The following EML5 variants were observed in gnomAD, a reference collection of about 807,000 sequenced individuals.
EML5 encodes echinoderm microtubule-associated protein-like 5.
EML5 carries 120 observed loss-of-function variants against 250.0 expected under a neutral mutation model. The ratio of observed to expected loss-of-function variants is 0.48; its 90% CI spans 0.41 to 0.56. The LOEUF is 0.56. Among genes scored for constraint, EML5 ranks in the 20% least tolerant of loss-of-function variants. The pLI is 0.00. For synonymous variants in EML5, 771 were observed against 806.5 expected (o/e 0.96, Z 0.75); for missense variants, 2,006 against 2,437.6 (o/e 0.82, Z 3.73).
chr14:88,782,489 G>A (rs1253305552), intron 1 of EML5, among the ~76,000 whole-genome samples: 1 of 152,180 alleles, frequency 6.6e-6, no homozygotes, highest in Non-Finnish European at 1.5e-5. Context: ...ACGTCTCCAG[G>A]CCATGTCAGA....
rs569147000 is a variant in EML5 at position 88,615,593 on chromosome 14, T to A, written c.*225A>T. 2 of 479,446 alleles carry A rather than the reference T, an allele frequency of 4.2e-6. No homozygotes were observed. The highest frequency in any genetic ancestry group is 8.7e-5 in the South Asian group (2 of 22,996). 29.7% of individuals were successfully genotyped at this position (479,446 alleles called of 1,614,324 possible). A position where few individuals can be genotyped will look rare whatever the true frequency, so the allele number is the denominator to read the frequency against. The stretch of plus-strand genomic sequence containing the variant: ...GCCTTTACCATCAAGTATTCGATCC[T>A]TCCTTGAAATGGCATTATCTGGCAG... On this transcript the variant is annotated 3_prime_UTR_variant, in exon 44 of 44. Transcript: ENST00000554922.
chr14:88,755,761 G>A (rs1049266453), intron 1 of EML5, among the ~76,000 whole-genome samples: 3 of 152,094 alleles, frequency 2.0e-5, no homozygotes, highest in Non-Finnish European at 4.4e-5. Context: ...GAGAGGCCAA[G>A]GCTGGAGGAT....
At chr14:88,754,754 T>C in intron 1 of EML5, 83 bp from the exon 2 acceptor site, 1 of 1,138,738 alleles carries the variant, frequency 8.8e-7, no homozygotes, top group Non-Finnish European at 1.3e-6. Context: ...GTAAAACACA[T>C]ATACCAGTGT....
At chr14:88,697,017 G>A in intron 14 of EML5, 65 bp from the exon 15 acceptor site, 1 of 1,056,608 alleles carries the variant, frequency 9.5e-7, no homozygotes, top group East Asian at 2.9e-5. Context: ...CTACTAAAAG[G>A]AAATAAAACA....
Position 88,792,481 on chromosome 14 carries a change from C to CTCGGGGCGCTCCGGGCCGCCATG in EML5, c.-1_22dup (p.Ser8ThrfsTer77). On this transcript the variant is annotated frameshift_variant, in exon 1 of 44. Coordinates refer to ENST00000554922, the MANE Select transcript of EML5 (RefSeq NM_183387.3). LOFTEE classifies it high-confidence loss of function. This position sits in a 1 kb window ranked among gnomAD's most constrained non-coding sequence, Gnocchi z 6.9. ...CACCCACTCGAGCCGCAGGTGGCAG[C>CTCGGGGCGCTCCGGGCCGCCATG]TCGGGGCGCTCCGGGCCGCCATGTC... 1 of 1,462,244 alleles carries CTCGGGGCGCTCCGGGCCGCCATG rather than the reference C, an allele frequency of 6.8e-7. No homozygotes were observed. Among genetic ancestry groups the CTCGGGGCGCTCCGGGCCGCCATG allele is most frequent in the Non-Finnish European group, 9.1e-7 (1 of 1,100,642 alleles). 90.6% of individuals were successfully genotyped at this position (1,462,244 alleles called of 1,614,324 possible).
intron 2 of EML5, among the ~76,000 whole-genome samples, chr14:88,749,311 C>A (rs2094055651): frequency 6.6e-6 from 1 of 152,158 alleles, no homozygotes; most frequent in South Asian, 2.1e-4. Flanking sequence ...AGAAAAAAGT[C>A]AGCACAGAAT....
chr14:88,644,713 T>C, intron 29 of EML5: 1 of 471,680 alleles, frequency 2.1e-6, no homozygotes, highest in Non-Finnish European at 3.8e-6. Flanking sequence ...TTTATTCATT[T>C]TATTTTATTT....
intron 17 of EML5, among the ~76,000 whole-genome samples, chr14:88,689,052 A>G (rs1371202812): frequency 6.6e-6 from 1 of 152,212 alleles, no homozygotes; most frequent in Non-Finnish European, 1.5e-5. Flanking sequence ...AGTTTTTTAC[A>G]TGTTAGAAAA....
intron 21 of EML5, among the ~76,000 whole-genome samples, chr14:88,677,570 T>C (rs1196691800): frequency 6.6e-6 from 1 of 152,208 alleles, no homozygotes; most frequent in Non-Finnish European, 1.5e-5. Context: ...AAAGGTCTAA[T>C]ATCCAGAATC....
chr14:88,644,390 T>C, intron 30 of EML5, 43 bp downstream of exon 30: 1 of 1,580,870 alleles, frequency 6.3e-7, no homozygotes, highest in Non-Finnish European at 8.7e-7. Flanking sequence ...AAAAAAGAAC[T>C]CTGGATACAT....
intron 10 of EML5, among the ~76,000 whole-genome samples, chr14:88,708,576 A>G (rs2093355389): frequency 6.6e-6 from 1 of 152,122 alleles, no homozygotes; most frequent in African/African-American, 2.4e-5. Flanking sequence ...GTAATGTAGG[A>G]AAGAGTAGTA....
At chr14:88,779,111 A>C (rs2094473141) in intron 1 of EML5, among the ~76,000 whole-genome samples, 1 of 152,242 alleles carries the variant, frequency 6.6e-6, no homozygotes, top group Non-Finnish European at 1.5e-5. Flanking sequence ...GTAACCACAA[A>C]GAACAGAACC....
intron 36 of EML5, chr14:88,624,479 T>C (rs1144915): frequency 0.59 from 91,312 of 153,550 alleles, 29,438 homozygotes; most frequent in Non-Finnish European, 0.73. Context: ...AGAGACCTCT[T>C]CTCAAATTTT....
At chr14:88,632,324 T>C (rs1305572407) in intron 33 of EML5, among the ~76,000 whole-genome samples, 1 of 152,122 alleles carries the variant, frequency 6.6e-6, no homozygotes. Context: ...AATTTTCCAA[T>C]TTTCTCTCTT....
At chr14:88,691,984 T>C (rs772227752) in intron 17 of EML5, among the ~76,000 whole-genome samples, 1 of 152,218 alleles carries the variant, frequency 6.6e-6, no homozygotes, top group African/African-American at 2.4e-5. Context: ...AATTCATAGT[T>C]CTTTTCCAAG....
intron 21 of EML5, among the ~76,000 whole-genome samples, chr14:88,668,172 T>G (rs575698161): frequency 6.6e-6 from 1 of 152,372 alleles, no homozygotes; most frequent in Non-Finnish European, 1.5e-5. Context: ...TTTTTGCTAG[T>G]TAGCAATTCT....
intron 21 of EML5, among the ~76,000 whole-genome samples, chr14:88,678,611 A>C (rs971382492): frequency 1.3e-5 from 2 of 152,030 alleles, no homozygotes; most frequent in Admixed American, 6.6e-5. Flanking sequence ...GTTCCAAAAT[A>C]CTCATAGTGA....
At chr14:88,661,095 G>GTC (rs529364104) in intron 25 of EML5, among the ~76,000 whole-genome samples, 40 of 152,172 alleles carry the variant, frequency 2.6e-4, no homozygotes, top group African/African-American at 7.9e-4. Flanking sequence ...AAAGGAATGT[G>GTC]TCTCTCTCTC....
At chr14:88,673,042 C>T (rs529094968) in intron 21 of EML5, among the ~76,000 whole-genome samples, 351 of 152,150 alleles carry the variant, frequency 2.3e-3, no homozygotes, top group Non-Finnish European at 4.1e-3. Flanking sequence ...TTTTTTGAGG[C>T]CAGCATGATC....
Sources: allele counts gnomAD v4.1 joint callset (sites outside exome capture counted in the v4.1 genomes callset), GRCh38; gene constraint gnomAD v4.1.1; non-coding constraint Gnocchi (gnomAD v3.1); transcripts MANE v1.5; gene names NCBI Gene and HGNC (gene_info 2026-07-23, HGNC 2026-07-21).